ZNF385D: variants seen among roughly 807,000 people sequenced by gnomAD.
The protein encoded by ZNF385D is zinc finger protein 659.
Under a neutral mutation model 35.8 loss-of-function variants are expected in ZNF385D, and 15 were observed. The observed-to-expected ratio is 0.42, with a 90% CI of 0.28 to 0.64. ZNF385D has a LOEUF of 0.64. Among genes scored for constraint, ZNF385D ranks in the 30% least tolerant of loss-of-function variants. The pLI, the probability that ZNF385D is intolerant of heterozygous loss-of-function variation, is 0.23. For synonymous variants in ZNF385D, 212 were observed against 186.8 expected (o/e 1.13, Z -1.10); for missense variants, 474 against 494.6 (o/e 0.96, Z 0.39).
chr3:21,722,197 C>A (rs534228988), intron 1 of ZNF385D, among the ~76,000 whole-genome samples: 2 of 152,132 alleles, frequency 1.3e-5, no homozygotes, highest in Non-Finnish European at 2.9e-5. Context: ...CAATGGCAGC[C>A]CCCAGCAAAG....
rs74699361 is a variant in ZNF385D, at chr3:21,904,589, G to A, written c.326-239561C>T. Among the ~76,000 whole-genome samples, 4 of 152,160 alleles carry A rather than the reference G, an allele frequency of 2.6e-5. No individual in the cohort carries two copies. In the East Asian group the frequency reaches 7.7e-4, roughly 29 times the overall value. On this transcript the variant is annotated intron_variant, in intron 3 of 5. Coordinates refer to the ZNF385D transcript ENST00000494108. The stretch of plus-strand genomic sequence containing the variant: ...TCTTTCTGTTTCTGTAAAATGAAGG[G>A]CCTAGCCTAGATAAAGCTTTATGAT...
intron 2 of ZNF385D, among the ~76,000 whole-genome samples, chr3:22,174,591 C>T (rs142510164): frequency 7.2e-4 from 110 of 152,252 alleles, no homozygotes; most frequent in Middle Eastern, 6.8e-3. Context: ...TTAGCACAGA[C>T]ACTCTCATAT....
chr3:21,885,012 A>C (rs938313750), intron 3 of ZNF385D, among the ~76,000 whole-genome samples: 4 of 152,162 alleles, frequency 2.6e-5, no homozygotes, highest in South Asian at 2.1e-4. Context: ...AATGCAGTAG[A>C]TATAACTTGC....
Position 21,412,246 on chromosome 3 carries a change from T to G in ZNF385D, c.*8968A>C, listed in dbSNP as rs892581788. On this transcript the variant is annotated 3_prime_UTR_variant, in exon 8 of 8. Coordinates refer to ENST00000281523, the MANE Select transcript of ZNF385D (RefSeq NM_024697.3). Reference sequence around the variant, plus strand: ...ATGAAAATAAGATATTTTACTTTTTTTCTTTAATCAGCACATTTCTTTTGA... The same window carrying G: ...ATGAAAATAAGATATTTTACTTTTTGTCTTTAATCAGCACATTTCTTTTGA... 1 of 152,074 alleles carries G rather than the reference T, an allele frequency of 6.6e-6. No homozygotes were observed. The highest frequency in any genetic ancestry group is 2.4e-5 in the African/African-American group (1 of 41,422). 9.4% of individuals were successfully genotyped at this position (152,074 alleles called of 1,614,324 possible). A position where few individuals can be genotyped will look rare whatever the true frequency, so the allele number is the denominator to read the frequency against.
At chr3:22,127,872 T>C (rs1226219585) in intron 3 of ZNF385D, among the ~76,000 whole-genome samples, 1 of 152,158 alleles carries the variant, frequency 6.6e-6, no homozygotes, top group East Asian at 1.9e-4. Flanking sequence ...AAAGTTGTAG[T>C]TATTATTTTG....
chr3:22,137,030 C>A (rs1007319141), intron 3 of ZNF385D, among the ~76,000 whole-genome samples: 2 of 152,120 alleles, frequency 1.3e-5, no homozygotes, highest in African/African-American at 4.8e-5. Context: ...TTTGTCAAAG[C>A]CCATAGAATG....
chr3:21,798,770 G>T (rs1305597220), intron 3 of ZNF385D, among the ~76,000 whole-genome samples: 1 of 151,998 alleles, frequency 6.6e-6, no homozygotes, highest in Non-Finnish European at 1.5e-5. Flanking sequence ...GAATCTTGGG[G>T]GCTACTTTAG....
intron 3 of ZNF385D, among the ~76,000 whole-genome samples, chr3:21,860,763 A>C (rs1697005138): frequency 6.6e-6 from 1 of 152,182 alleles, no homozygotes; most frequent in African/African-American, 2.4e-5. Context: ...GTTTCATGGC[A>C]AAGGCTTTCT....
intron 2 of ZNF385D, among the ~76,000 whole-genome samples, chr3:22,204,476 G>A (rs543157586): frequency 1.3e-5 from 2 of 152,066 alleles, no homozygotes; most frequent in Non-Finnish European, 2.9e-5. Flanking sequence ...CAAGCATCAA[G>A]AGCATCGAGA....
At chr3:21,809,671 T>TAC (rs1412836192) in intron 3 of ZNF385D, among the ~76,000 whole-genome samples, 4 of 148,306 alleles carry the variant, frequency 2.7e-5, no homozygotes, top group African/African-American at 5.0e-5. Flanking sequence ...TATACACATA[T>TAC]ATACACACAT....
chr3:21,738,724 C>T (rs1010017445), intron 1 of ZNF385D, among the ~76,000 whole-genome samples: 1 of 152,044 alleles, frequency 6.6e-6, no homozygotes, highest in Non-Finnish European at 1.5e-5. Context: ...TGTTTAATCC[C>T]CTTTCAGAAG....
chr3:21,805,063 G>C (rs2072576642), intron 3 of ZNF385D, among the ~76,000 whole-genome samples: 1 of 152,108 alleles, frequency 6.6e-6, no homozygotes, highest in Admixed American at 6.5e-5. Context: ...CCACTAGGTG[G>C]GTTTCCGCTT....
chr3:22,256,251 A>G (rs1241576033), intron 2 of ZNF385D, among the ~76,000 whole-genome samples: 2 of 150,490 alleles, frequency 1.3e-5, no homozygotes, highest in Non-Finnish European at 3.0e-5. Context: ...ATATATATAT[A>G]TATATATTCC....
At chr3:22,196,211 T>G (rs1210953105) in intron 2 of ZNF385D, among the ~76,000 whole-genome samples, 1 of 152,088 alleles carries the variant, frequency 6.6e-6, no homozygotes, top group Non-Finnish European at 1.5e-5. Flanking sequence ...GCTAATCGAA[T>G]AGGTGGAAAA....
intron 1 of ZNF385D, among the ~76,000 whole-genome samples, chr3:21,706,913 G>C (rs2067925804): frequency 6.6e-6 from 1 of 152,128 alleles, no homozygotes; most frequent in South Asian, 2.1e-4. Flanking sequence ...GAAAAGGACA[G>C]ATTATTTTCT....
intron 2 of ZNF385D, among the ~76,000 whole-genome samples, chr3:22,181,355 T>C (rs1395932298): frequency 6.6e-6 from 1 of 152,062 alleles, no homozygotes; most frequent in Non-Finnish European, 1.5e-5. Flanking sequence ...CTTTCCACAG[T>C]CCACTCTCCT....
chr3:22,311,900 G>A lies in ZNF385D; in HGVS notation c.106+60550C>T, dbSNP rs115076176. 4.1e-3 allele frequency among the ~76,000 whole-genome samples: 624 copies of A among 152,182 alleles called. 4 individuals carry two copies. The highest frequency in any genetic ancestry group is 0.014 in the African/African-American group (582 of 41,542). On this transcript the variant is annotated intron_variant, in intron 2 of 5. Coordinates refer to the ZNF385D transcript ENST00000494108. ...TACAATTTTGTCAAGTGGCATACTT[G>A]CCTTTATTCTGATGAAGAATGTTCA...
chr3:21,890,878 A>G (rs946523453), intron 3 of ZNF385D, among the ~76,000 whole-genome samples: 1 of 152,194 alleles, frequency 6.6e-6, no homozygotes, highest in Non-Finnish European at 1.5e-5. Flanking sequence ...GTTTCAAACC[A>G]CATTGGTTGT....
chr3:21,661,665 G>T (rs2066241248), intron 2 of ZNF385D, among the ~76,000 whole-genome samples: 1 of 152,298 alleles, frequency 6.6e-6, no homozygotes, highest in African/African-American at 2.4e-5. Context: ...GCTATCTTTT[G>T]TGTGAAAGCT....
Sources: gnomAD v4.1 joint callset for allele counts (sites outside exome capture counted in the v4.1 genomes callset) on GRCh38, gnomAD v4.1.1 for gene constraint, MANE v1.5 for transcripts, NCBI Gene and HGNC (gene_info 2026-07-23, HGNC 2026-07-21) for gene names.